The following MSH3 variants were observed in gnomAD, a reference collection of about 807,000 sequenced individuals.
MSH3 encodes mutS homolog 3, also known as DNA mismatch repair protein Msh3.
A neutral mutation model predicts 123.3 loss-of-function variants in MSH3; 106 were observed. The ratio of observed to expected loss-of-function variants is 0.86; its 90% CI spans 0.73 to 1.01. The LOEUF is 1.01. Ranked by LOEUF, MSH3 falls within the 50% of genes least tolerant of loss-of-function variation. The pLI is 0.00. For missense variants in MSH3, 1,459 were observed against 1,347.6 expected, an observed-to-expected ratio of 1.08 and a Z score of -1.29; for synonymous variants, 515 against 481.4, an observed-to-expected ratio of 1.07 and a Z score of -0.91.
chr5:80,732,455 T>A (rs746971985), intron 10 of MSH3, among the ~76,000 whole-genome samples: 11 of 152,156 alleles, frequency 7.2e-5, no homozygotes, highest in Non-Finnish European at 1.2e-4. Flanking sequence ...TAGCTTAATA[T>A]ATAAGCTACT....
Position 80,864,502 on chromosome 5 carries a change from A to T in MSH3, c.3001-311A>T, listed in dbSNP as rs181342803. Among the ~76,000 whole-genome samples, 162 of 152,266 alleles carry T rather than the reference A, an allele frequency of 1.1e-3. 1 individual carries two copies. Among genetic ancestry groups the T allele is most frequent in the African/African-American group, 3.8e-3 (156 of 41,558 alleles). On this transcript the variant is annotated intron_variant, in intron 21 of 23. Coordinates refer to ENST00000265081, the MANE Select transcript of MSH3 (RefSeq NM_002439.5). ...TGAGTGTAATAATTGTATTCTAGTT[A>T]TATAGGAGGATGTTTTGTTCTTAGA...
chr5:80,845,800 A>G (rs552613109), intron 20 of MSH3, among the ~76,000 whole-genome samples: 2 of 152,252 alleles, frequency 1.3e-5, no homozygotes, highest in East Asian at 1.9e-4. Context: ...TTAGCCATTC[A>G]TCTAACCTTT....
At chr5:80,817,169 G>T (rs1017485090) in intron 20 of MSH3, among the ~76,000 whole-genome samples, 3 of 152,196 alleles carry the variant, frequency 2.0e-5, no homozygotes, top group Non-Finnish European at 4.4e-5. Context: ...AGCCAGAGAG[G>T]CAGGAGAGAA....
intron 20 of MSH3, among the ~76,000 whole-genome samples, chr5:80,826,727 T>C (rs973000964): frequency 2.0e-5 from 3 of 152,040 alleles, no homozygotes; most frequent in Non-Finnish European, 4.4e-5. Flanking sequence ...TTTTGTATTT[T>C]TAGTAGAGAC....
At chr5:80,868,323 G>A (rs1353033112) in intron 22 of MSH3, among the ~76,000 whole-genome samples, 1 of 151,896 alleles carries the variant, frequency 6.6e-6, no homozygotes, top group African/African-American at 2.4e-5. Flanking sequence ...GCACACGTAT[G>A]TTCATTGCAG....
At chr5:80,862,151 G>A (rs1746024286) in intron 21 of MSH3, among the ~76,000 whole-genome samples, 1 of 152,086 alleles carries the variant, frequency 6.6e-6, no homozygotes, top group South Asian at 2.1e-4. Flanking sequence ...AGACCCTTAG[G>A]TCTTCCGGCT....
intron 22 of MSH3, among the ~76,000 whole-genome samples, chr5:80,865,266 G>A (rs1003737525): frequency 2.6e-5 from 4 of 152,232 alleles, no homozygotes; most frequent in African/African-American, 7.2e-5. Context: ...ATTCATCTCA[G>A]TACAGATGAC....
chr5:80,741,596 ACTT>A lies in MSH3; in HGVS notation c.1653+51_1653+53del, dbSNP rs760926675. 3.0e-5 allele frequency: 40 copies of A among 1,319,988 alleles called. No homozygotes were observed. The African/African-American group carries it at 3.5e-4, about 11-fold the overall frequency. The allele number at this position is 1,319,988 out of a possible 1,614,324, so 81.8% of individuals were successfully genotyped here. A position where few individuals can be genotyped will look rare whatever the true frequency, so the allele number is the denominator to read the frequency against. The stretch of plus-strand genomic sequence containing the variant: ...TTGATTATAAATCGTTTTGGGAAAA[ACTT>A]CTGAGTAAGGCAGCAGTCTGTTTTT... On this transcript the variant is annotated intron_variant, in intron 11 of 23. Transcript: ENST00000265081.
intron 18 of MSH3, among the ~76,000 whole-genome samples, chr5:80,791,558 T>C (rs932310019): frequency 6.6e-6 from 1 of 152,210 alleles, no homozygotes; most frequent in Non-Finnish European, 1.5e-5. Context: ...ATAAAACTTT[T>C]GAGATTTGCT....
chr5:80,789,295 CT>C (rs1333596231), intron 18 of MSH3, among the ~76,000 whole-genome samples: 1 of 151,736 alleles, frequency 6.6e-6, no homozygotes, highest in East Asian at 1.9e-4. Flanking sequence ...AAAAACTATC[CT>C]TTTTTCATAA....
In MSH3 at chr5:80,727,096, G is replaced by A. The variant is rs767600465; in HGVS notation, c.1453+1531G>A. Among the ~76,000 whole-genome samples, 3 of 152,160 alleles carry A rather than the reference G, an allele frequency of 2.0e-5. No homozygotes were observed. The South Asian group carries it at 6.2e-4, about 32-fold the overall frequency. ...TTGCTGCAGTCTCTACAAAAGACAC[G>A]CCAGTTGACAAAAGTCAACGCACTA... On this transcript the variant is annotated intron_variant, in intron 9 of 23. Transcript: ENST00000265081.
intron 12 of MSH3, among the ~76,000 whole-genome samples, chr5:80,748,001 T>A (rs1465939701): frequency 6.6e-6 from 1 of 152,208 alleles, no homozygotes; most frequent in Non-Finnish European, 1.5e-5. Flanking sequence ...GCCTTACTGA[T>A]CACATCAGTG....
chr5:80,873,970 A>G (rs984827216), intron 23 of MSH3, among the ~76,000 whole-genome samples: 1 of 152,150 alleles, frequency 6.6e-6, no homozygotes, highest in Admixed American at 6.6e-5. Context: ...CTAAAACAAC[A>G]TAAGCTCCCC....
intron 20 of MSH3, among the ~76,000 whole-genome samples, chr5:80,818,398 A>G (rs1454502370): frequency 1.6e-5 from 2 of 127,602 alleles, no homozygotes; most frequent in African/African-American, 6.1e-5. Flanking sequence ...ATAAATAGCA[A>G]TGACAAAAAA....
At chr5:80,809,532 A>G (rs1269006316) in intron 19 of MSH3, among the ~76,000 whole-genome samples, 3 of 152,220 alleles carry the variant, frequency 2.0e-5, no homozygotes, top group Non-Finnish European at 4.4e-5. Flanking sequence ...TACCGATTTA[A>G]AAACATTTCT....
intron 20 of MSH3, among the ~76,000 whole-genome samples, chr5:80,824,369 C>G (rs1372667123): frequency 6.6e-6 from 1 of 151,136 alleles, no homozygotes; most frequent in Admixed American, 6.6e-5. Flanking sequence ...GTGGGGGCTG[C>G]CCCCCACCTC....
intron 8 of MSH3, among the ~76,000 whole-genome samples, chr5:80,709,567 A>G (rs906281650): frequency 6.6e-6 from 1 of 152,160 alleles, no homozygotes; most frequent in Non-Finnish European, 1.5e-5. Context: ...GCTTGCAGTG[A>G]GCTGAGATCA....
chr5:80,663,427 C>G lies in MSH3; in HGVS notation c.359-1716C>G, dbSNP rs114495151. On this transcript the variant is annotated intron_variant, in intron 2 of 23. Coordinates refer to ENST00000265081, the MANE Select transcript of MSH3 (RefSeq NM_002439.5). ...CTCAGTGCTTTTTCCCCTGGCCTCTCTACTCCATTTCAATTGAGTATGACA... is the reference window on the plus strand; with the variant it reads ...CTCAGTGCTTTTTCCCCTGGCCTCTGTACTCCATTTCAATTGAGTATGACA... Among the ~76,000 whole-genome samples the G allele has an allele frequency of 4.4e-3, 662 of 152,072 alleles. 3 individuals carry two copies. The highest frequency in any genetic ancestry group is 0.015 in the African/African-American group (633 of 41,456).
intron 20 of MSH3, among the ~76,000 whole-genome samples, chr5:80,832,270 G>A (rs1056112366): frequency 1.3e-5 from 2 of 152,078 alleles, no homozygotes; most frequent in Non-Finnish European, 2.9e-5. Flanking sequence ...AAAGGGGAGA[G>A]TAAAGAGTTA....
Sources: allele counts gnomAD v4.1 joint callset (sites outside exome capture counted in the v4.1 genomes callset), GRCh38; gene constraint gnomAD v4.1.1; transcripts MANE v1.5; gene names NCBI Gene and HGNC (gene_info 2026-07-23, HGNC 2026-07-21).